The following CLDN14 variants were observed in gnomAD, a reference collection of about 807,000 sequenced individuals.
CLDN14 encodes claudin 14.
CLDN14 carries 2 observed loss-of-function variants against 2.1 expected under a neutral mutation model. The observed-to-expected ratio is 0.96, with a 90% CI of 0.39 to 3.01. The LOEUF (loss-of-function observed/expected upper bound fraction) is 3.01, where lower values mean the gene tolerates loss of function less well. Ranked by LOEUF, CLDN14 falls within the 30% of genes most tolerant of loss-of-function variation. The probability of loss-of-function intolerance (pLI) is 0.09; values close to 1 mark genes in which losing one functional copy is unlikely to be tolerated. For missense variants in CLDN14, 298 were observed against 328.0 expected, an observed-to-expected ratio of 0.91 and a Z score of 0.71; for synonymous variants, 136 against 154.4, an observed-to-expected ratio of 0.88 and a Z score of 0.88.
chr21:36,469,949 G>C (rs1289247667), intron 1 of CLDN14, among the ~76,000 whole-genome samples: 1 of 151,910 alleles, frequency 6.6e-6, no homozygotes. Flanking sequence ...TGTTTTTGTT[G>C]TTGTTGTTTT....
rs186685135 is a variant in CLDN14 at position 36,529,987 on chromosome 21, G to T, written c.-219-19487C>A. On this transcript the variant is annotated intron_variant, in intron 1 of 2. Transcript: ENST00000342108. ...AGACACCTGAGCGGGCACCTGCTGG[G>T]GGATGGACTTTGTTAGGACGATTAG... 3.4e-3 allele frequency among the ~76,000 whole-genome samples: 524 copies of T among 152,240 alleles called. 2 individuals carry two copies. Among genetic ancestry groups the T allele is most frequent in the African/African-American group, 0.012 (492 of 41,538 alleles).
intron 1 of CLDN14, among the ~76,000 whole-genome samples, chr21:36,546,661 T>G (rs1019973023): frequency 6.6e-6 from 1 of 152,232 alleles, no homozygotes; most frequent in African/African-American, 2.4e-5. Context: ...TACAAAAAAT[T>G]TCAAACATAG....
rs2086555985 is a variant in CLDN14, at chr21:36,460,777, T to A, written c.*199A>T. 3 of 596,932 alleles carry A rather than the reference T, an allele frequency of 5.0e-6. No individual in the cohort carries two copies. Among genetic ancestry groups the A allele is most frequent in the Non-Finnish European group, 8.7e-6 (3 of 345,626 alleles). 37.0% of individuals were successfully genotyped at this position (596,932 alleles called of 1,614,324 possible). ...ACAGACAGGATTTTTTTTTTCAGTC[T>A]TTGGTATAGAGAGCTTTCTCCTCCT... On this transcript the variant is annotated 3_prime_UTR_variant, in exon 2 of 2. Coordinates refer to ENST00000399135, the MANE Select transcript of CLDN14 (RefSeq NM_001146079.2). This position sits in a 1 kb window ranked among gnomAD's most constrained non-coding sequence, Gnocchi z 4.0.
intron 1 of CLDN14, among the ~76,000 whole-genome samples, chr21:36,470,673 A>G (rs1366472248): frequency 6.6e-6 from 1 of 152,178 alleles, no homozygotes; most frequent in African/African-American, 2.4e-5. Flanking sequence ...TGGCACGGGG[A>G]ATTACAGAGA....
chr21:36,482,676 G>A (rs2086860705), upstream of CLDN14, among the ~76,000 whole-genome samples: 1 of 152,182 alleles, frequency 6.6e-6, no homozygotes, highest in South Asian at 2.1e-4. Flanking sequence ...CACACATGCT[G>A]ACAACTTGAG....
In CLDN14 at chr21:36,498,487, C is replaced by T. The variant is rs745903666; in HGVS notation, c.-82+11876G>A. 2.1e-4 allele frequency among the ~76,000 whole-genome samples: 32 copies of T among 152,166 alleles called. No homozygotes were observed. The highest frequency in any genetic ancestry group is 4.1e-4 in the Non-Finnish European group (28 of 68,030). ...ACTGGTGGGAAAAATACTTGCACGG[C>T]AGCAGGTTGTTTGAATAAAATAGGA... On this transcript the variant is annotated intron_variant, in intron 2 of 2. Coordinates refer to the CLDN14 transcript ENST00000342108. This position sits in a 1 kb window ranked among gnomAD's most constrained non-coding sequence, Gnocchi z 4.9.
At chr21:36,481,533 C>T (rs2086844934), upstream of CLDN14, among the ~76,000 whole-genome samples, 1 of 152,192 alleles carries the variant, frequency 6.6e-6, no homozygotes, top group South Asian at 2.1e-4. Context: ...TATTAGGAAA[C>T]CCCGCAGAGA....
Position 36,551,074 on chromosome 21 carries a change from G to A in CLDN14, c.-220+25337C>T, listed in dbSNP as rs907683202. Among the ~76,000 whole-genome samples, 20 of 152,198 alleles carry A rather than the reference G, an allele frequency of 1.3e-4. No homozygotes were observed. The highest frequency in any genetic ancestry group is 3.9e-4 in the Admixed American group (6 of 15,286). Reference sequence around the variant, plus strand: ...AGGCCAAGGAATGGTGTGGCCAGCCGGCAGCCACCAGAGTGGGGAGGGGGC... The same window carrying A: ...AGGCCAAGGAATGGTGTGGCCAGCCAGCAGCCACCAGAGTGGGGAGGGGGC... On this transcript the variant is annotated intron_variant, in intron 1 of 2. Transcript: ENST00000342108. The surrounding 1 kb of genome is among the most constrained non-coding windows in gnomAD (Gnocchi z 4.8).
Position 36,489,131 on chromosome 21 carries a change from A to AATATAT in CLDN14, c.-82+21226_-82+21231dup, listed in dbSNP as rs1555847001. Reference sequence around the variant, plus strand: ...TCTGTCTCAAAGAAAAAAAAAAAAAAATATATATATATATATATATATATA... The same window carrying AATATAT: ...TCTGTCTCAAAGAAAAAAAAAAAAAAATATATATATATATATATATATATATATATA... On this transcript the variant is annotated intron_variant, in intron 2 of 2. Transcript: ENST00000342108. Among the ~76,000 whole-genome samples, 561 of 62,678 alleles carry AATATAT rather than the reference A, an allele frequency of 9.0e-3. 4 individuals are homozygous for AATATAT. Among genetic ancestry groups the AATATAT allele is most frequent in the East Asian group, 0.023 (57 of 2,446 alleles). The allele number at this position is 62,678 out of a possible 152,430, so 41.1% of individuals were successfully genotyped here. A position where few individuals can be genotyped will look rare whatever the true frequency, so the allele number is the denominator to read the frequency against.
chr21:36,528,673 C>G (rs9980855), intron 1 of CLDN14, among the ~76,000 whole-genome samples: 71,764 of 151,732 alleles, frequency 0.47, 19,185 homozygotes, highest in Middle Eastern at 0.62. Flanking sequence ...GGCATCTGTC[C>G]CTCTCCTGCA....
At chr21:36,482,363 TA>T (rs1568851704), upstream of CLDN14, among the ~76,000 whole-genome samples, 85 of 140,832 alleles carry the variant, frequency 6.0e-4, no homozygotes, top group African/African-American at 1.9e-3. Flanking sequence ...GATGGATGGA[TA>T]GACTGACGGA....
intron 1 of CLDN14, among the ~76,000 whole-genome samples, chr21:36,472,247 A>G (rs1366474056): frequency 6.6e-6 from 1 of 152,180 alleles, no homozygotes; most frequent in Non-Finnish European, 1.5e-5. Context: ...GGTGGAAATA[A>G]AGGTGGGTGC....
chr21:36,564,560 G>A (rs568796888), intron 1 of CLDN14, among the ~76,000 whole-genome samples: 2 of 152,310 alleles, frequency 1.3e-5, no homozygotes, highest in South Asian at 2.1e-4. Flanking sequence ...CCTCCTAGAT[G>A]TAATTCTAGA....
chr21:36,569,869 A>G (rs903204028), intron 1 of CLDN14, among the ~76,000 whole-genome samples: 6 of 152,244 alleles, frequency 3.9e-5, no homozygotes, highest in Non-Finnish European at 8.8e-5. Flanking sequence ...AAAAGTGTTT[A>G]ACCTGAATTT....
chr21:36,555,615 C>A (rs1021606152), intron 1 of CLDN14, among the ~76,000 whole-genome samples: 3 of 152,166 alleles, frequency 2.0e-5, no homozygotes, highest in Non-Finnish European at 2.9e-5. Flanking sequence ...TGAAAGCCAG[C>A]TCATTATGAC....
At chr21:36,543,641 T>C (rs2087507533) in intron 1 of CLDN14, among the ~76,000 whole-genome samples, 1 of 152,214 alleles carries the variant, frequency 6.6e-6, no homozygotes, top group African/African-American at 2.4e-5. Flanking sequence ...GATCTCTAAT[T>C]GTGCCCATTT....
intron 1 of CLDN14, among the ~76,000 whole-genome samples, chr21:36,541,792 C>T (rs2087490482): frequency 6.6e-6 from 1 of 152,172 alleles, no homozygotes; most frequent in Admixed American, 6.5e-5. Flanking sequence ...TGGCTTGTGT[C>T]TTACTGTCTT....
At chr21:36,484,654 C>T (rs2845769), upstream of CLDN14, among the ~76,000 whole-genome samples, 126,512 of 152,174 alleles carry the variant, frequency 0.83, 52,736 homozygotes, top group African/African-American at 0.87. Flanking sequence ...TCTCCTCACA[C>T]GTCGTTCTCT....
chr21:36,575,147 C>A (rs405828), intron 1 of CLDN14, among the ~76,000 whole-genome samples: 1 of 151,994 alleles, frequency 6.6e-6, no homozygotes, highest in Non-Finnish European at 1.5e-5. Context: ...TGATTACCAA[C>A]GCCGGTCATG....
Sources: gnomAD v4.1 joint callset for allele counts (sites outside exome capture counted in the v4.1 genomes callset) on GRCh38, gnomAD v4.1.1 for gene constraint, Gnocchi (gnomAD v3.1) non-coding constraint, MANE v1.5 for transcripts, NCBI Gene and HGNC (gene_info 2026-07-23, HGNC 2026-07-21) for gene names.